Variants in RIPOR3 observed in about 807,000 individuals in gnomAD.
The protein encoded by RIPOR3 is RIPOR family member 3.
In RIPOR3, 95 loss-of-function variants were observed where a neutral mutation model predicts 114.3. The observed-to-expected ratio is 0.83, with a 90% confidence interval of 0.70 to 0.99. The LOEUF (loss-of-function observed/expected upper bound fraction) is 0.99. Ranked by LOEUF, RIPOR3 falls within the 50% of genes least tolerant of loss-of-function variation. The probability of loss-of-function intolerance (pLI) is 0.00; values close to 1 mark genes in which losing one functional copy is unlikely to be tolerated. For synonymous variants in RIPOR3, 575 were observed against 543.8 expected (o/e 1.06, Z -0.80); for missense variants, 1,252 against 1,266.9 (o/e 0.99, Z 0.18).
At chr20:50,631,095 C>T (rs990415720) in intron 1 of RIPOR3, among the ~76,000 whole-genome samples, 1 of 152,176 alleles carries the variant, frequency 6.6e-6, no homozygotes, top group African/African-American at 2.4e-5. Flanking sequence ...GCACTCTGTG[C>T]TCAGGTCCTT....
intron 1 of RIPOR3, among the ~76,000 whole-genome samples, chr20:50,690,892 C>G (rs747087010): frequency 6.6e-6 from 1 of 152,232 alleles, no homozygotes; most frequent in Non-Finnish European, 1.5e-5. Context: ...AGTTCAACCA[C>G]TGTTTTAGAA....
intron 1 of RIPOR3, among the ~76,000 whole-genome samples, chr20:50,660,969 G>A (rs890295215): frequency 1.2e-4 from 18 of 151,848 alleles, no homozygotes; most frequent in Non-Finnish European, 2.2e-4. Flanking sequence ...CGGGTGCGGT[G>A]TCTCATGCCT....
intron 2 of RIPOR3, among the ~76,000 whole-genome samples, chr20:50,621,420 T>TCA (rs2084399429): frequency 6.6e-6 from 1 of 152,154 alleles, no homozygotes. Flanking sequence ...GCCTGACTAA[T>TCA]CAACATGCAC....
chr20:50,600,168 G>A (rs2083444736), intron 13 of RIPOR3, among the ~76,000 whole-genome samples: 1 of 152,152 alleles, frequency 6.6e-6, no homozygotes, highest in Non-Finnish European at 1.5e-5. Context: ...CTCCCAAAGT[G>A]CTGGGATTAC....
chr20:50,661,729 C>A (rs1476589837), intron 1 of RIPOR3, among the ~76,000 whole-genome samples: 1 of 152,152 alleles, frequency 6.6e-6, no homozygotes, highest in Non-Finnish European at 1.5e-5. Flanking sequence ...AGCCAGGACT[C>A]CTGAGTCTAA....
At chr20:50,662,704 G>T (rs973969842) in intron 1 of RIPOR3, among the ~76,000 whole-genome samples, 1 of 122,806 alleles carries the variant, frequency 8.1e-6, no homozygotes, top group Non-Finnish European at 1.7e-5. Context: ...GAGGATCCCA[G>T]TCCTGGCCCC....
At chr20:50,654,457 G>C (rs1256861621) in intron 1 of RIPOR3, among the ~76,000 whole-genome samples, 1 of 111,148 alleles carries the variant, frequency 9.0e-6, no homozygotes, top group Non-Finnish European at 1.8e-5. Flanking sequence ...TTGAGATGGA[G>C]GCTTGCTCTG....
In RIPOR3 at chr20:50,598,296, A is replaced by G. The variant is rs373614142; in HGVS notation, c.1660-586T>C. Among the ~76,000 whole-genome samples the G allele has an allele frequency of 2.4e-3, 368 of 151,692 alleles. 1 individual carries two copies. The highest frequency in any genetic ancestry group is 8.5e-3 in the African/African-American group (352 of 41,364). The stretch of plus-strand genomic sequence containing the variant: ...TTAAGGGAGAGTGTTGGGGCCACCA[A>G]CCCGCCACTGGTCAAGTCACCAGAG... On this transcript the variant is annotated intron_variant, in intron 13 of 21. Coordinates refer to ENST00000327979, the MANE Select transcript of RIPOR3 (RefSeq NM_001290268.2).
At chr20:50,618,270 C>CA (rs61215608) in intron 3 of RIPOR3, among the ~76,000 whole-genome samples, 1,988 of 67,328 alleles carry the variant, frequency 0.03, 207 homozygotes, top group African/African-American at 0.052. Context: ...GACTCCGTCT[C>CA]AAAAAAAAAA....
chr20:50,589,930 A>G, intron 19 of RIPOR3, 161 bp from the exon 20 acceptor site: 1 of 637,700 alleles, frequency 1.6e-6, no homozygotes, highest in East Asian at 2.9e-5. Context: ...CCCTGTGTAC[A>G]CAGTCACAAG....
chr20:50,625,665 G>C (rs2084593071), intron 2 of RIPOR3, among the ~76,000 whole-genome samples: 1 of 152,148 alleles, frequency 6.6e-6, no homozygotes, highest in East Asian at 1.9e-4. Context: ...GGCTCGGGGA[G>C]TACCTGCCTG....
At chr20:50,655,656 C>G (rs373594607) in intron 1 of RIPOR3, among the ~76,000 whole-genome samples, 6 of 149,746 alleles carry the variant, frequency 4.0e-5, no homozygotes, top group Non-Finnish European at 8.8e-5. Flanking sequence ...CCTCCTGTCT[C>G]GGTTAGCGTG....
intron 1 of RIPOR3, among the ~76,000 whole-genome samples, chr20:50,679,814 A>C (rs1009289491): frequency 6.7e-6 from 1 of 149,898 alleles, no homozygotes; most frequent in Non-Finnish European, 1.5e-5. Context: ...AAAATTAGCC[A>C]GGCATGGCGG....
chr20:50,664,921 GC>G (rs2086130573), intron 1 of RIPOR3, among the ~76,000 whole-genome samples: 1 of 151,986 alleles, frequency 6.6e-6, no homozygotes, highest in African/African-American at 2.4e-5. Context: ...GGCCAACATG[GC>G]AAAAACTTGT....
At chr20:50,590,809 A>G (rs1384425826) in intron 19 of RIPOR3, among the ~76,000 whole-genome samples, 1 of 133,618 alleles carries the variant, frequency 7.5e-6, no homozygotes, top group East Asian at 2.5e-4. Flanking sequence ...CATGAAGATG[A>G]AGGCCCTTTT....
chr20:50,604,113 AG>A (rs2083605256), intron 12 of RIPOR3, among the ~76,000 whole-genome samples: 2 of 150,742 alleles, frequency 1.3e-5, no homozygotes, highest in Non-Finnish European at 2.9e-5. Flanking sequence ...ACCTGGGAGG[AG>A]GTGGAGGTTG....
At chr20:50,617,546 G>A (rs939017885) in intron 3 of RIPOR3, among the ~76,000 whole-genome samples, 1 of 151,640 alleles carries the variant, frequency 6.6e-6, no homozygotes, top group African/African-American at 2.4e-5. Context: ...GCCCCCCAAA[G>A]TGCTGGGATT....
intron 13 of RIPOR3, among the ~76,000 whole-genome samples, chr20:50,600,412 G>A (rs1158898915): frequency 6.6e-6 from 1 of 152,162 alleles, no homozygotes. Flanking sequence ...ATACAAGTAT[G>A]TGACAAATGT....
chr20:50,592,976 C>T, intron 18 of RIPOR3, 59 bp downstream of exon 18: 1 of 1,585,532 alleles, frequency 6.3e-7, no homozygotes, highest in Non-Finnish European at 8.6e-7. Context: ...TGAGAAACTG[C>T]ATGTGACAGG....
Sources: gnomAD v4.1 joint callset for allele counts (sites outside exome capture counted in the v4.1 genomes callset) on GRCh38, gnomAD v4.1.1 for gene constraint, MANE v1.5 for transcripts, NCBI Gene and HGNC (gene_info 2026-07-23, HGNC 2026-07-21) for gene names.